The following DCLK1 variants were observed in gnomAD, a reference collection of about 807,000 sequenced individuals.
The protein encoded by DCLK1 is serine/threonine-protein kinase DCLK1.
Under a neutral mutation model 86.2 loss-of-function variants are expected in DCLK1, and 16 were observed. That is an observed-to-expected ratio of 0.19 (90% CI 0.13 to 0.28). DCLK1 has a LOEUF of 0.28. Ranked by LOEUF, DCLK1 falls within the 10% of genes least tolerant of loss-of-function variation. The pLI, the probability that DCLK1 is intolerant of heterozygous loss-of-function variation, is 1.00. For synonymous variants in DCLK1, 369 were observed against 370.5 expected (o/e 1.00, Z 0.05); for missense variants, 590 against 940.2 (o/e 0.63, Z 4.87).
intron 3 of DCLK1, among the ~76,000 whole-genome samples, chr13:36,011,717 G>A (rs1277054455): frequency 6.6e-6 from 1 of 151,934 alleles, no homozygotes; most frequent in African/African-American, 2.4e-5. Context: ...ATTTGGGGTG[G>A]AGAGTTCTGT....
At position 35,770,003 on chromosome 13, in the gene DCLK1, C is replaced by T. The variant is rs975143666; in HGVS notation, c.*4532G>A. 6.6e-6 allele frequency: 1 copy of T among 152,150 alleles called. No individual in the cohort carries two copies. Among genetic ancestry groups the T allele is most frequent in the Non-Finnish European group, 1.5e-5 (1 of 68,024 alleles). 9.4% of individuals were successfully genotyped at this position (152,150 alleles called of 1,614,324 possible). On this transcript the variant is annotated 3_prime_UTR_variant, in exon 17 of 17. Coordinates refer to ENST00000360631, the MANE Select transcript of DCLK1 (RefSeq NM_001330071.2). ...CCAACAATAAACAAACAAACAAAAA[C>T]CCCCACTCTAACCAGAGGCATTTAA...
chr13:36,038,175 A>G (rs143997891), intron 3 of DCLK1, among the ~76,000 whole-genome samples: 1 of 152,232 alleles, frequency 6.6e-6, no homozygotes, highest in African/African-American at 2.4e-5. Flanking sequence ...TGGGTCCCAT[A>G]AAAGCTCAGT....
At position 35,817,284 on chromosome 13, in the gene DCLK1, T is replaced by C. The variant is rs142270047; in HGVS notation, c.1554+5445A>G. 2.0e-5 allele frequency among the ~76,000 whole-genome samples: 3 copies of C among 152,280 alleles called. No individual in the cohort carries two copies. In the East Asian group the frequency reaches 5.8e-4, roughly 29 times the overall value. Reference sequence around the variant, plus strand: ...GAGGCCCAGTAAACACTTAGTACAGTAACTGGCCAATTACGGTACTAAATA... The same window carrying C: ...GAGGCCCAGTAAACACTTAGTACAGCAACTGGCCAATTACGGTACTAAATA... On this transcript the variant is annotated intron_variant, in intron 11 of 16. Transcript: ENST00000360631.
intron 4 of DCLK1, among the ~76,000 whole-genome samples, chr13:35,918,347 G>A (rs751528966): frequency 2.0e-5 from 3 of 152,230 alleles, no homozygotes; most frequent in African/African-American, 2.4e-5. Context: ...CTGTGAGGTT[G>A]TGTGGATTCA....
intron 3 of DCLK1, among the ~76,000 whole-genome samples, chr13:35,949,359 G>C (rs1877545281): frequency 6.6e-6 from 1 of 152,186 alleles, no homozygotes; most frequent in Non-Finnish European, 1.5e-5. Context: ...GACAGATACT[G>C]TTCCTCAGAG....
At chr13:35,912,677 G>A (rs1001172497) in intron 4 of DCLK1, among the ~76,000 whole-genome samples, 2 of 152,126 alleles carry the variant, frequency 1.3e-5, no homozygotes, top group African/African-American at 4.8e-5. Context: ...TCAAGTATCT[G>A]TGTAACTAAT....
intron 3 of DCLK1, among the ~76,000 whole-genome samples, chr13:36,082,983 C>T (rs1288913276): frequency 6.6e-6 from 1 of 151,006 alleles, no homozygotes; most frequent in African/African-American, 2.4e-5. Flanking sequence ...GGGCTCTGTC[C>T]ACAAAAGTTG....
chr13:35,853,566 G>T (rs1053780510), intron 6 of DCLK1, among the ~76,000 whole-genome samples: 9 of 152,176 alleles, frequency 5.9e-5, no homozygotes, highest in African/African-American at 2.2e-4. Flanking sequence ...TTCCATCCTG[G>T]ATGACACGTA....
chr13:35,836,885 CTAAA>C (rs1348325752), intron 7 of DCLK1, among the ~76,000 whole-genome samples: 7 of 152,140 alleles, frequency 4.6e-5, no homozygotes, highest in Non-Finnish European at 7.3e-5. Flanking sequence ...GGCCATAAAA[CTAAA>C]TAAGCCACAG....
intron 3 of DCLK1, among the ~76,000 whole-genome samples, chr13:36,085,213 T>C (rs1180592029): frequency 6.6e-6 from 1 of 152,196 alleles, no homozygotes; most frequent in African/African-American, 2.4e-5. Flanking sequence ...CTCTGGATTC[T>C]TTTAACTTTA....
intron 3 of DCLK1, among the ~76,000 whole-genome samples, chr13:35,958,134 A>ACAACCAT (rs1878174710): frequency 2.4e-4 from 6 of 24,830 alleles, no homozygotes; most frequent in African/African-American, 5.6e-4. Context: ...TACCACTACT[A>ACAACCAT]TAACCACCAC....
chr13:35,925,590 G>C (rs1876068043), intron 4 of DCLK1, among the ~76,000 whole-genome samples: 1 of 152,102 alleles, frequency 6.6e-6, no homozygotes, highest in Non-Finnish European at 1.5e-5. Context: ...TTAACAAAAA[G>C]TCTTATTCCA....
intron 15 of DCLK1, among the ~76,000 whole-genome samples, chr13:35,796,953 C>T (rs9593434): frequency 0.097 from 14,740 of 152,176 alleles, 2,294 homozygotes; most frequent in African/African-American, 0.33. Context: ...ATAAAAGAGA[C>T]GCTGAGCATT....
At chr13:35,843,768 A>T (rs1036330399) in intron 6 of DCLK1, among the ~76,000 whole-genome samples, 2 of 152,192 alleles carry the variant, frequency 1.3e-5, no homozygotes, top group Non-Finnish European at 2.9e-5. Context: ...GTTGATATTG[A>T]TTTGAAAAAT....
chr13:36,071,740 T>C (rs1477039489), intron 3 of DCLK1, among the ~76,000 whole-genome samples: 2 of 152,142 alleles, frequency 1.3e-5, no homozygotes, highest in African/African-American at 2.4e-5. Context: ...TTCACACAGC[T>C]AACAAGGAGC....
At chr13:36,116,112 G>T (rs1885777489) in intron 2 of DCLK1, among the ~76,000 whole-genome samples, 1 of 151,772 alleles carries the variant, frequency 6.6e-6, no homozygotes, top group South Asian at 2.1e-4. Context: ...ACCACACCCA[G>T]TGAATTTTTA....
chr13:36,064,702 G>C (rs1281009689), intron 3 of DCLK1, among the ~76,000 whole-genome samples: 6 of 150,418 alleles, frequency 4.0e-5, no homozygotes, highest in African/African-American at 1.5e-4. Flanking sequence ...GCAGGAAATG[G>C]GTAACTTCAT....
At chr13:36,058,149 G>A (rs570474043) in intron 3 of DCLK1, among the ~76,000 whole-genome samples, 69 of 152,264 alleles carry the variant, frequency 4.5e-4, no homozygotes, top group African/African-American at 1.5e-3. Context: ...TTAGAACTGG[G>A]TTTTTAAAAA....
intron 3 of DCLK1, among the ~76,000 whole-genome samples, chr13:36,050,925 T>A (rs1187824898): frequency 1.3e-5 from 2 of 152,022 alleles, no homozygotes; most frequent in Non-Finnish European, 2.9e-5. Flanking sequence ...GTAGGTCATG[T>A]AAAAAACATG....
Sources: allele counts gnomAD v4.1 joint callset (sites outside exome capture counted in the v4.1 genomes callset), GRCh38; gene constraint gnomAD v4.1.1; transcripts MANE v1.5; gene names NCBI Gene and HGNC (gene_info 2026-07-23, HGNC 2026-07-21).